ZDHHC20: variants seen among roughly 807,000 people sequenced by gnomAD.
ZDHHC20 encodes the protein palmitoyltransferase ZDHHC20.
A neutral mutation model predicts 57.8 loss-of-function variants in ZDHHC20; 43 were observed. The ratio of observed to expected loss-of-function variants is 0.74; its 90% CI spans 0.58 to 0.96. The LOEUF is 0.96. Ranked by LOEUF, ZDHHC20 falls within the 40% of genes least tolerant of loss-of-function variation. The probability of loss-of-function intolerance (pLI) is 0.00; values close to 1 mark genes in which losing one functional copy is unlikely to be tolerated. For synonymous variants in ZDHHC20, 157 were observed against 153.0 expected (o/e 1.03, Z -0.19); for missense variants, 391 against 441.1 (o/e 0.89, Z 1.02).
chr13:21,423,696 A>C (rs1157622383), intron 2 of ZDHHC20, among the ~76,000 whole-genome samples: 2 of 150,468 alleles, frequency 1.3e-5, no homozygotes, highest in African/African-American at 4.9e-5. Context: ...AAAAGAAAAA[A>C]TATATATATT....
rs780697221 is a variant in ZDHHC20 at position 21,400,462 on chromosome 13, T to C, written c.505A>G (p.Lys169Glu). The part of the protein sequence containing the change: ...VNNCVGFSNY[K>E]FFLLFLLYSL... The stretch of plus-strand genomic sequence containing the variant: ...TACAATAAAAACAGCAGGAAGAATT[T>C]GTAATTAGAAAATCCCACACAGTTA... Residue 169 changes from lysine to glutamate, a missense_variant, in exon 7 of 13, where the codon AAA becomes GAA. Transcript: ENST00000400590. The C allele has an allele frequency of 6.3e-7, 1 of 1,578,386 alleles. No homozygotes were observed. The highest frequency in any genetic ancestry group is 8.6e-7 in the Non-Finnish European group (1 of 1,162,674).
At chr13:21,407,413 G>A (rs1445623731) in intron 4 of ZDHHC20, among the ~76,000 whole-genome samples, 1 of 152,150 alleles carries the variant, frequency 6.6e-6, no homozygotes, top group African/African-American at 2.4e-5. Context: ...ATGTTTGTTG[G>A]TCACATAAAT....
chr13:21,381,636 C>G, intron 10 of ZDHHC20, 87 bp from the exon 11 acceptor site: 6 of 899,562 alleles, frequency 6.7e-6, no homozygotes, highest in Non-Finnish European at 1.0e-5. Flanking sequence ...ATTAGTATTC[C>G]TTCTCCTAAA....
chr13:21,395,476 A>C (rs1472919356), intron 7 of ZDHHC20, among the ~76,000 whole-genome samples: 3 of 146,926 alleles, frequency 2.0e-5, no homozygotes, highest in African/African-American at 7.5e-5. Flanking sequence ...TATATAAACC[A>C]TATTTTCTTC....
At chr13:21,382,809 T>C (rs1443406257) in intron 10 of ZDHHC20, 111 bp downstream of exon 10, 4 of 863,490 alleles carry the variant, frequency 4.6e-6, no homozygotes, top group East Asian at 2.8e-5. Context: ...TTTCCCTAAC[T>C]ATGCTGGCTT....
intron 7 of ZDHHC20, among the ~76,000 whole-genome samples, chr13:21,394,521 T>C (rs1379947570): frequency 1.3e-5 from 2 of 152,232 alleles, no homozygotes; most frequent in Non-Finnish European, 2.9e-5. Flanking sequence ...TACAAGTCTC[T>C]AGAGTACTAC....
intron 7 of ZDHHC20, among the ~76,000 whole-genome samples, chr13:21,393,862 T>C (rs536218305): frequency 1.3e-5 from 2 of 152,118 alleles, no homozygotes; most frequent in African/African-American, 2.4e-5. Flanking sequence ...TGCAGACACA[T>C]TTCAGTCTGG....
At chr13:21,382,339 T>A (rs1873567872) in intron 10 of ZDHHC20, among the ~76,000 whole-genome samples, 1 of 152,216 alleles carries the variant, frequency 6.6e-6, no homozygotes, top group Non-Finnish European at 1.5e-5. Flanking sequence ...CTGTAGTGAA[T>A]AAATTACCAA....
At chr13:21,398,764 C>T (rs539428310) in intron 7 of ZDHHC20, among the ~76,000 whole-genome samples, 7 of 152,304 alleles carry the variant, frequency 4.6e-5, no homozygotes, top group South Asian at 2.1e-4. Context: ...TGGTTTGAGA[C>T]GTGCTGATTT....
chr13:21,378,529 G>A, intron 12 of ZDHHC20, 132 bp downstream of exon 12: 1 of 396,902 alleles, frequency 2.5e-6, no homozygotes, highest in Admixed American at 4.5e-5. Context: ...TTACATTCTA[G>A]TCTTTCCTGT....
chr13:21,402,993 A>C, intron 4 of ZDHHC20, 127 bp from the exon 5 acceptor site: 1 of 659,634 alleles, frequency 1.5e-6, no homozygotes, highest in Non-Finnish European at 2.6e-6. Flanking sequence ...AAACAATACC[A>C]ACAATACCAA....
intron 7 of ZDHHC20, among the ~76,000 whole-genome samples, chr13:21,393,189 CTTTTTTTTTTTT>C (rs544664779): frequency 7.6e-6 from 1 of 131,530 alleles, no homozygotes; most frequent in Admixed American, 7.6e-5. Context: ...TTTCTTTTTT[CTTTTTTTTTTTT>C]TTTAAAGATA....
At chr13:21,445,151 T>C (rs1681683087) in intron 1 of ZDHHC20, among the ~76,000 whole-genome samples, 1 of 152,080 alleles carries the variant, frequency 6.6e-6, no homozygotes, top group African/African-American at 2.4e-5. Flanking sequence ...TTGCATTACA[T>C]GCCCCAAACA....
At chr13:21,415,915 GT>G (rs1412285655) in intron 3 of ZDHHC20, among the ~76,000 whole-genome samples, 1 of 151,940 alleles carries the variant, frequency 6.6e-6, no homozygotes, top group East Asian at 1.9e-4. Context: ...AAGAATGAAG[GT>G]TATGGGCTGG....
At chr13:21,427,711 T>G (rs1481300480) in intron 1 of ZDHHC20, among the ~76,000 whole-genome samples, 1 of 151,654 alleles carries the variant, frequency 6.6e-6, no homozygotes, top group Non-Finnish European at 1.5e-5. Flanking sequence ...GGCATGCACC[T>G]ATAGTCCCAC....
chr13:21,421,034 T>TTTTACC (rs758608302), intron 3 of ZDHHC20, 27 bp downstream of exon 3: 2 of 1,572,756 alleles, frequency 1.3e-6, no homozygotes, highest in Non-Finnish European at 1.7e-6. Flanking sequence ...GTTAAAACAT[T>TTTTACC]TGGTAATTTA....
chr13:21,386,252 CAT>C (rs904971844), intron 9 of ZDHHC20, among the ~76,000 whole-genome samples: 5 of 152,082 alleles, frequency 3.3e-5, no homozygotes, highest in South Asian at 2.1e-4. Context: ...TGACTGATAA[CAT>C]GTGTAATTGG....
chr13:21,448,623 G>A (rs1263532029), intron 1 of ZDHHC20, among the ~76,000 whole-genome samples: 2 of 97,140 alleles, frequency 2.1e-5, no homozygotes, highest in Non-Finnish European at 5.4e-5. Flanking sequence ...CCGGCCGGCC[G>A]CCCCGTCCGG....
chr13:21,379,908 G>A (rs1191648855), intron 11 of ZDHHC20, among the ~76,000 whole-genome samples: 3 of 147,298 alleles, frequency 2.0e-5, no homozygotes, highest in South Asian at 2.2e-4. Flanking sequence ...TCCAACCCCC[G>A]GGGTTCACGC....
Sources: gnomAD v4.1 joint callset for allele counts (sites outside exome capture counted in the v4.1 genomes callset) on GRCh38, gnomAD v4.1.1 for gene constraint, MANE v1.5 for transcripts, NCBI Gene and HGNC (gene_info 2026-07-23, HGNC 2026-07-21) for gene names.